Variants in BDP1 observed in about 807,000 individuals in gnomAD.
The protein encoded by BDP1 is transcription factor TFIIIB component B'' homolog.
A neutral mutation model predicts 266.6 loss-of-function variants in BDP1; 169 were observed. That is an observed-to-expected ratio of 0.63 (90% CI 0.56 to 0.72). The LOEUF (loss-of-function observed/expected upper bound fraction) is 0.72. BDP1 is among the 30% of genes least tolerant of loss of function. BDP1 has a pLI of 0.00. For missense variants in BDP1, 3,015 were observed against 3,053.8 expected, an observed-to-expected ratio of 0.99 and a Z score of 0.30; for synonymous variants, 1,090 against 1,022.4, an observed-to-expected ratio of 1.07 and a Z score of -1.26.
rs111963925 is a variant in BDP1 at position 71,491,196 on chromosome 5, TC to T, written c.1640+66del. ...GATTACTGAGAAAGGAGTGTTGAAG[TC>T]TCCATCTGTAACTGTGGATTTGCCT... On this transcript the variant is annotated intron_variant, in intron 11 of 38. Transcript: ENST00000358731. 3,317 of 1,461,294 alleles carry T rather than the reference TC, an allele frequency of 2.3e-3. 60 individuals carry two copies. In the African/African-American group the frequency reaches 0.038, roughly 17 times the overall value. 90.5% of individuals were successfully genotyped at this position (1,461,294 alleles called of 1,614,324 possible).
chr5:71,557,174 TA>T (rs1743277545), intron 36 of BDP1, among the ~76,000 whole-genome samples: 1 of 152,072 alleles, frequency 6.6e-6, no homozygotes, highest in Non-Finnish European at 1.5e-5. Context: ...GCTCAATAAC[TA>T]CACTTTAGGA....
In BDP1 at chr5:71,565,188, G is replaced by A. The variant is rs1162742759; in HGVS notation, c.*303G>A. 8.5e-6 allele frequency: 2 copies of A among 235,414 alleles called. No homozygotes were observed. The highest frequency in any genetic ancestry group is 1.6e-5 in the Non-Finnish European group (2 of 122,510). The allele number at this position is 235,414 out of a possible 1,614,324, so 14.6% of individuals were successfully genotyped here. A position where few individuals can be genotyped will look rare whatever the true frequency, so the allele number is the denominator to read the frequency against. Reference sequence around the variant, plus strand: ...GTGCTAAGCACACATGGACATTTGGGAATGTTGTGGATATATGTCTCTGTA... The same window carrying A: ...GTGCTAAGCACACATGGACATTTGGAAATGTTGTGGATATATGTCTCTGTA... On this transcript the variant is annotated 3_prime_UTR_variant, in exon 39 of 39. Transcript: ENST00000358731.
intron 30 of BDP1, among the ~76,000 whole-genome samples, chr5:71,543,687 A>C (rs1298362620): frequency 6.6e-6 from 1 of 152,232 alleles, no homozygotes; most frequent in Non-Finnish European, 1.5e-5. Context: ...TACAAGATGA[A>C]ACATCTGTCT....
chr5:71,544,903 A>AG, intron 31 of BDP1, 136 bp from the exon 32 acceptor site: 1 of 716,280 alleles, frequency 1.4e-6, no homozygotes, highest in Non-Finnish European at 2.2e-6. Context: ...AAAAAAAAAA[A>AG]AAAGTCCTAT....
chr5:71,471,525 C>T (rs1042932173), intron 7 of BDP1, among the ~76,000 whole-genome samples: 3 of 152,178 alleles, frequency 2.0e-5, no homozygotes, highest in African/African-American at 7.2e-5. Context: ...TTACACAGTT[C>T]TCATTTTCTG....
intron 26 of BDP1, among the ~76,000 whole-genome samples, chr5:71,537,149 CA>C (rs70992979): frequency 0.34 from 28,634 of 83,186 alleles, 1,759 homozygotes; most frequent in African/African-American, 0.37. Flanking sequence ...ACCAAAAAAC[CA>C]AAAAAAAAAA....
At chr5:71,572,845 C>T in the BDP1 span, among the ~76,000 whole-genome samples, 3 of 152,206 alleles carry the variant, frequency 2.0e-5, no homozygotes, top group African/African-American at 7.2e-5. Flanking sequence ...TACTGTACTT[C>T]TACCATTAGC....
rs1765210753 is a variant in BDP1, at chr5:71,516,182, A to G, written c.4771A>G (p.Ile1591Val). The G allele has an allele frequency of 1.9e-6, 3 of 1,613,596 alleles. No individual in the cohort carries two copies. Among genetic ancestry groups the G allele is most frequent in the Non-Finnish European group, 2.5e-6 (3 of 1,179,676 alleles). Residue 1591 changes from isoleucine to valine, a missense_variant, in exon 21 of 39, where the codon ATA becomes GTA. By Grantham distance (29) the Ile-to-Val change is conservative. This residue lies in a region of BDP1 where 2,383 missense variants were observed against 2,404.9 expected (regional missense o/e 0.99). Transcript: ENST00000358731. ...PNIRKTGQRQIVDKGEAKGII... is the reference protein window; with the variant it reads ...PNIRKTGQRQVVDKGEAKGII... Reference sequence around the variant, plus strand: ...TATAAGAAAGACAGGACAGAGGCAAATAGTAGACAAAGGTGAAGCCAAAGG... The same window carrying G: ...TATAAGAAAGACAGGACAGAGGCAAGTAGTAGACAAAGGTGAAGCCAAAGG...
At chr5:71,544,938 T>G in intron 31 of BDP1, 101 bp from the exon 32 acceptor site, 1 of 992,656 alleles carries the variant, frequency 1.0e-6, no homozygotes. Flanking sequence ...TTTAAAAGTT[T>G]GAAAACCATT....
At chr5:71,549,200 T>C (rs942561323) in intron 33 of BDP1, among the ~76,000 whole-genome samples, 1 of 152,192 alleles carries the variant, frequency 6.6e-6, no homozygotes, top group Admixed American at 6.5e-5. Context: ...ATTGTGCCAC[T>C]GTATTTCAGC....
rs535439373 is a variant in BDP1, at chr5:71,473,421, C to A, written c.1014+2932C>A. Reference sequence around the variant, plus strand: ...TCCCGAGTAGCTGGGACTACAGGCACCCGCCACCACGCCCAGCTAATTTTT... The same window carrying A: ...TCCCGAGTAGCTGGGACTACAGGCAACCGCCACCACGCCCAGCTAATTTTT... On this transcript the variant is annotated intron_variant, in intron 7 of 38. Coordinates refer to ENST00000358731, the MANE Select transcript of BDP1 (RefSeq NM_018429.3). 1.2e-4 allele frequency among the ~76,000 whole-genome samples: 18 copies of A among 151,544 alleles called. 1 individual carries two copies. In the South Asian group the frequency reaches 3.8e-3, roughly 32 times the overall value.
In BDP1 at chr5:71,539,574, A is replaced by C. The variant is rs1580175827; in HGVS notation, c.5947A>C (p.Thr1983Pro). 6.2e-7 allele frequency: 1 copy of C among 1,611,616 alleles called. No homozygotes were observed. The highest frequency in any genetic ancestry group is 8.5e-7 in the Non-Finnish European group (1 of 1,178,906). Residue 1983 changes from threonine to proline, a missense_variant, in exon 28 of 39, where the codon ACC becomes CCC. Thr to Pro is a conservative substitution (Grantham distance 38, BLOSUM62 -1). Transcript: ENST00000358731. ...CTCACAAGGTACCAATGATGGAAGC[A>C]CCGAAGCTGCAATAACTTTACTTAC... ...QDEPGTNDGS[T>P]EAAITLLTMG...
chr5:71,477,419 C>T (rs1370938152), intron 7 of BDP1, among the ~76,000 whole-genome samples: 2 of 152,106 alleles, frequency 1.3e-5, no homozygotes, highest in Admixed American at 1.3e-4. Context: ...AAAGTGCTGG[C>T]GTTACAGGCA....
chr5:71,557,832 G>A (rs1743334601), intron 36 of BDP1, among the ~76,000 whole-genome samples: 1 of 152,024 alleles, frequency 6.6e-6, no homozygotes, highest in African/African-American at 2.4e-5. Context: ...GCCACCACCT[G>A]TGGCCTATAA....
rs1379629547 is a variant in BDP1 at position 71,567,726 on chromosome 5, A to G, written c.*2841A>G. On this transcript the variant is annotated 3_prime_UTR_variant, in exon 39 of 39. Transcript: ENST00000358731. ...TCTTGCTTGAAGAAGTCTTTGACAG[A>G]AAAAGCAATATCATGTCATTTATAA... is the stretch of plus-strand genomic sequence containing the variant. 2 of 152,626 alleles carry G rather than the reference A, an allele frequency of 1.3e-5. No individual in the cohort carries two copies. Among genetic ancestry groups the G allele is most frequent in the African/African-American group, 2.4e-5 (1 of 41,468 alleles). The allele number at this position is 152,626 out of a possible 1,614,324, so 9.5% of individuals were successfully genotyped here.
At position 71,565,396 on chromosome 5, in the gene BDP1, A is replaced by G. The variant is rs1346792781; in HGVS notation, c.*511A>G. 6.6e-6 allele frequency: 1 copy of G among 152,616 alleles called. No individual in the cohort carries two copies. The highest frequency in any genetic ancestry group is 1.5e-5 in the Non-Finnish European group (1 of 68,340). The allele number at this position is 152,616 out of a possible 1,614,324, so 9.5% of individuals were successfully genotyped here. ...AAGTCAATGATGGACCACATATATTACAGTGGTCCCATGCAATTAAAATGG... is the reference window on the plus strand; with the variant it reads ...AAGTCAATGATGGACCACATATATTGCAGTGGTCCCATGCAATTAAAATGG... On this transcript the variant is annotated 3_prime_UTR_variant, in exon 39 of 39. Transcript: ENST00000358731.
intron 7 of BDP1, among the ~76,000 whole-genome samples, chr5:71,478,005 C>T (rs574707138): frequency 6.6e-6 from 1 of 152,270 alleles, no homozygotes; most frequent in Non-Finnish European, 1.5e-5. Context: ...AATCCGAGCA[C>T]TTTGGGAGGC....
chr5:71,473,552 C>T (rs895729647), intron 7 of BDP1, among the ~76,000 whole-genome samples: 9 of 152,050 alleles, frequency 5.9e-5, no homozygotes, highest in East Asian at 3.9e-4. Context: ...GAATTATGGG[C>T]GTGAGCCACT....
chr5:71,522,580 T>C, intron 23 of BDP1, 90 bp downstream of exon 23: 1 of 1,260,502 alleles, frequency 7.9e-7, no homozygotes, highest in East Asian at 2.3e-5. Context: ...AAATACAGTT[T>C]TGACTTCTGT....
Sources: gnomAD v4.1 joint callset for allele counts (sites outside exome capture counted in the v4.1 genomes callset) on GRCh38, gnomAD v4.1.1 for gene constraint, gnomAD v4.1.1 regional missense constraint, MANE v1.5 for transcripts, NCBI Gene and HGNC (gene_info 2026-07-23, HGNC 2026-07-21) for gene names.